Variants in PRIM2 observed in about 807,000 individuals in gnomAD.
PRIM2 encodes the protein DNA primase large subunit.
Under a neutral mutation model 67.3 loss-of-function variants are expected in PRIM2, and 39 were observed. That is an observed-to-expected ratio of 0.58 (90% CI 0.45 to 0.76). The LOEUF is 0.76. PRIM2 is among the 30% of genes least tolerant of loss of function. The probability of loss-of-function intolerance (pLI) is 0.00; values close to 1 mark genes in which losing one functional copy is unlikely to be tolerated. For synonymous variants in PRIM2, 143 were observed against 198.7 expected, an observed-to-expected ratio of 0.72 and a Z score of 2.36; for missense variants, 398 against 598.7, an observed-to-expected ratio of 0.66 and a Z score of 3.50.
the PRIM2 span, among the ~76,000 whole-genome samples, chr6:57,235,020 C>T: frequency 4.0e-5 from 6 of 151,416 alleles, no homozygotes; most frequent in East Asian, 5.9e-4. Context: ...ACAAAATAAC[C>T]GAGTGTGATG....
At chr6:57,480,143 T>G (rs1252576865) in intron 7 of PRIM2, among the ~76,000 whole-genome samples, 1 of 152,200 alleles carries the variant, frequency 6.6e-6, no homozygotes, top group Non-Finnish European at 1.5e-5. Context: ...TGGCAAAGAT[T>G]CACTTGGAAG....
At chr6:57,379,455 T>A (rs1769881334) in intron 5 of PRIM2, among the ~76,000 whole-genome samples, 1 of 151,924 alleles carries the variant, frequency 6.6e-6, no homozygotes, top group East Asian at 1.9e-4. Flanking sequence ...GAAAAACTAG[T>A]GTTTTAAGTT....
chr6:57,250,243 G>A, the PRIM2 span, among the ~76,000 whole-genome samples: 3 of 152,232 alleles, frequency 2.0e-5, no homozygotes, highest in South Asian at 4.1e-4. Flanking sequence ...GACAATATGT[G>A]TCATTTTTCT....
intron 11 of PRIM2, among the ~76,000 whole-genome samples, chr6:57,605,444 A>G (rs1776543775): frequency 6.6e-6 from 1 of 152,230 alleles, no homozygotes; most frequent in South Asian, 2.1e-4. Context: ...TCCAGATTCA[A>G]TTTCAGACCT....
At chr6:57,261,546 A>T in the PRIM2 span, among the ~76,000 whole-genome samples, 1 of 152,192 alleles carries the variant, frequency 6.6e-6, no homozygotes, top group Non-Finnish European at 1.5e-5. Flanking sequence ...TAAATCTAAG[A>T]GCAAAACAGG....
In PRIM2 at chr6:57,409,620, C is replaced by G. The variant is rs549391624; in HGVS notation, c.693+27452C>G. On this transcript the variant is annotated intron_variant, in intron 7 of 13. Transcript: ENST00000615550. ...TGTATGTGTTCCAGTTATTCTACCA[C>G]CTTGCCAAAAGTTGATATTGTCAGT... Among the ~76,000 whole-genome samples the G allele has an allele frequency of 8.7e-3, 1,321 of 152,290 alleles. 21 individuals are homozygous for G. The highest frequency in any genetic ancestry group is 0.03 in the African/African-American group (1,257 of 41,554).
intron 7 of PRIM2, among the ~76,000 whole-genome samples, chr6:57,411,924 A>G (rs550227564): frequency 6.6e-6 from 1 of 152,024 alleles, no homozygotes; most frequent in South Asian, 2.1e-4. Context: ...AGTTGTTTAA[A>G]TTGCCAACAT....
chr6:57,429,514 A>G (rs4554315), intron 7 of PRIM2, among the ~76,000 whole-genome samples: 18 of 152,320 alleles, frequency 1.2e-4, no homozygotes, highest in African/African-American at 3.4e-4. Context: ...GTTTGATAAA[A>G]GAGTCTTTAT....
intron 10 of PRIM2, among the ~76,000 whole-genome samples, chr6:57,575,502 T>C (rs1224466729): frequency 7.9e-5 from 12 of 152,154 alleles, no homozygotes; most frequent in African/African-American, 1.9e-4. Context: ...CAGACCTAGA[T>C]TGGAGTTTTA....
chr6:57,464,324 C>G (rs1468630734), intron 7 of PRIM2, among the ~76,000 whole-genome samples: 3 of 151,910 alleles, frequency 2.0e-5, no homozygotes, highest in Non-Finnish European at 1.5e-5. Flanking sequence ...GTCACCCAGG[C>G]TGGAGGGCAA....
intron 7 of PRIM2, among the ~76,000 whole-genome samples, chr6:57,457,553 G>T (rs1772844095): frequency 6.6e-6 from 1 of 152,184 alleles, no homozygotes; most frequent in South Asian, 2.1e-4. Flanking sequence ...TGCTAGCAAT[G>T]AGTGAGGCTC....
At chr6:57,401,099 AT>A (rs1456635193) in intron 7 of PRIM2, among the ~76,000 whole-genome samples, 1 of 152,074 alleles carries the variant, frequency 6.6e-6, no homozygotes, top group South Asian at 2.1e-4. Flanking sequence ...TATTTCCGTC[AT>A]TTCAGCCAGC....
At chr6:57,485,985 A>T (rs1432206030) in intron 7 of PRIM2, among the ~76,000 whole-genome samples, 1 of 152,210 alleles carries the variant, frequency 6.6e-6, no homozygotes, top group Non-Finnish European at 1.5e-5. Flanking sequence ...AGGTTAAGAT[A>T]GGAGAAATTT....
At chr6:57,239,914 T>C in the PRIM2 span, among the ~76,000 whole-genome samples, 2 of 152,184 alleles carry the variant, frequency 1.3e-5, no homozygotes, top group African/African-American at 4.8e-5. Flanking sequence ...TACAATGTTA[T>C]GCACCATGCT....
At chr6:57,514,222 T>A (rs1774433507) in intron 8 of PRIM2, among the ~76,000 whole-genome samples, 1 of 152,212 alleles carries the variant, frequency 6.6e-6, no homozygotes, top group South Asian at 2.1e-4. Context: ...GAATATGCTT[T>A]CACAAATTTT....
At chr6:57,304,081 G>A in the PRIM2 span, among the ~76,000 whole-genome samples, 5 of 152,178 alleles carry the variant, frequency 3.3e-5, no homozygotes, top group African/African-American at 9.7e-5. Context: ...AAGGCAAGCT[G>A]TGTCATTTCA....
At chr6:57,455,844 T>G (rs1281059755) in intron 7 of PRIM2, among the ~76,000 whole-genome samples, 3 of 152,240 alleles carry the variant, frequency 2.0e-5, no homozygotes, top group African/African-American at 7.2e-5. Context: ...GTTAGCTGGT[T>G]ATTTTGCTTG....
At chr6:57,323,258 G>T (rs527395596) in intron 3 of PRIM2, among the ~76,000 whole-genome samples, 1 of 152,158 alleles carries the variant, frequency 6.6e-6, no homozygotes, top group South Asian at 2.1e-4. Flanking sequence ...TCCCATAGTT[G>T]TGTTTTTTCT....
chr6:57,500,138 A>G (rs1774101095), intron 7 of PRIM2, among the ~76,000 whole-genome samples: 1 of 152,020 alleles, frequency 6.6e-6, no homozygotes, highest in Admixed American at 6.6e-5. Flanking sequence ...AGTTCTGTGG[A>G]GCATACCTTT....
Sources: gnomAD v4.1 joint callset for allele counts (sites outside exome capture counted in the v4.1 genomes callset) on GRCh38, gnomAD v4.1.1 for gene constraint, MANE v1.5 for transcripts, NCBI Gene and HGNC (gene_info 2026-07-23, HGNC 2026-07-21) for gene names.